Variants in SH3BP4 observed in about 807,000 individuals in gnomAD.
SH3BP4 encodes SH3 domain-binding protein 4.
In SH3BP4, 33 loss-of-function variants were observed where a neutral mutation model predicts 65.5. The ratio of observed to expected loss-of-function variants is 0.50; its 90% confidence interval spans 0.38 to 0.67. The LOEUF (loss-of-function observed/expected upper bound fraction) is 0.67. SH3BP4 is among the 30% of genes least tolerant of loss of function. The pLI is 0.00. For missense variants in SH3BP4, 1,134 were observed against 1,261.4 expected (o/e 0.90, Z 1.53); for synonymous variants, 552 against 545.5 (o/e 1.01, Z -0.17).
At chr2:234,968,322 C>A (rs528657222) in intron 1 of SH3BP4, among the ~76,000 whole-genome samples, 1 of 151,532 alleles carries the variant, frequency 6.6e-6, no homozygotes, top group East Asian at 1.9e-4. Context: ...ACCGGATGGA[C>A]CTTGGGGTGT....
Position 235,035,163 on chromosome 2 carries a change from G to T in SH3BP4, c.118+43G>T, listed in dbSNP as rs1017456594. On this transcript the variant is annotated intron_variant, in intron 3 of 5. Coordinates refer to ENST00000392011, the MANE Select transcript of SH3BP4 (RefSeq NM_014521.3). This position sits in a 1 kb window ranked among gnomAD's most constrained non-coding sequence, Gnocchi z 5.0. ...AGGACTGTGGCTAAGGGAGAACGTT[G>T]GGATTTTCAAGTTGGGATCCAAGAA... 1.4e-6 allele frequency: 2 copies of T among 1,457,022 alleles called. No homozygotes were observed. The highest frequency in any genetic ancestry group is 1.9e-6 in the Non-Finnish European group (2 of 1,039,460). The allele number at this position is 1,457,022 out of a possible 1,614,324, so 90.3% of individuals were successfully genotyped here. A position where few individuals can be genotyped will look rare whatever the true frequency, so the allele number is the denominator to read the frequency against.
chr2:235,027,243 G>A (rs73995743), intron 2 of SH3BP4, among the ~76,000 whole-genome samples: 5,939 of 152,312 alleles, frequency 0.039, 355 homozygotes, highest in African/African-American at 0.13. Flanking sequence ...GCAGATTTCC[G>A]TGATTTTGCC....
At chr2:234,971,276 A>G (rs1164466766) in intron 1 of SH3BP4, among the ~76,000 whole-genome samples, 3 of 152,180 alleles carry the variant, frequency 2.0e-5, no homozygotes, top group Non-Finnish European at 4.4e-5. Context: ...TGATTGGCAT[A>G]TTTCACTTAG....
chr2:234,986,652 G>T (rs1693568909), intron 1 of SH3BP4, among the ~76,000 whole-genome samples: 1 of 151,928 alleles, frequency 6.6e-6, no homozygotes, highest in Non-Finnish European at 1.5e-5. Context: ...CCTGATCTCG[G>T]GTGAGTCTTT....
intron 2 of SH3BP4, among the ~76,000 whole-genome samples, chr2:235,015,966 G>A (rs1164951263): frequency 6.6e-6 from 1 of 152,062 alleles, no homozygotes. Context: ...GGTCCCCTGT[G>A]CTCATCAGCA....
intron 4 of SH3BP4, among the ~76,000 whole-genome samples, chr2:235,044,451 G>A (rs1695778862): frequency 6.6e-6 from 1 of 152,208 alleles, no homozygotes; most frequent in Admixed American, 6.5e-5. Flanking sequence ...TGTTTGTGGT[G>A]GAGAGTCCCT....
rs539275277 is a variant in SH3BP4 at position 235,045,064 on chromosome 2, C to T, written c.2478+1817C>T. ...TGCGTCCCTCCCATCAGCCATCACCCATGTGTGATTCAGAGCACACCTCCT... is the reference window on the plus strand; with the variant it reads ...TGCGTCCCTCCCATCAGCCATCACCTATGTGTGATTCAGAGCACACCTCCT... On this transcript the variant is annotated intron_variant, in intron 4 of 5. Transcript: ENST00000392011. The surrounding 1 kb of genome is among the most constrained non-coding windows in gnomAD (Gnocchi z 4.3). Among the ~76,000 whole-genome samples, 108 of 152,334 alleles carry T rather than the reference C, an allele frequency of 7.1e-4. No homozygotes were observed. The Middle Eastern group carries it at 0.01, about 14-fold the overall frequency.
Position 234,974,422 on chromosome 2 carries a change from C to A in SH3BP4, c.-206-20881C>A, listed in dbSNP as rs1295327277. On this transcript the variant is annotated intron_variant, in intron 1 of 5. Transcript: ENST00000392011. The surrounding 1 kb of genome is among the most constrained non-coding windows in gnomAD (Gnocchi z 4.6). ...TTTGTGAAGGTCATGAGTTCCAGCC[C>A]ATTTCACTGCTCCATAAAATGCTAC... 6.6e-6 allele frequency among the ~76,000 whole-genome samples: 1 copy of A among 152,064 alleles called. No individual in the cohort carries two copies. The highest frequency in any genetic ancestry group is 1.5e-5 in the Non-Finnish European group (1 of 68,008).
rs753446994 is a variant in SH3BP4, at chr2:235,043,284, C to T, written c.2478+37C>T. 18 of 1,502,860 alleles carry T rather than the reference C, an allele frequency of 1.2e-5. No homozygotes were observed. The East Asian group carries it at 4.1e-4, about 34-fold the overall frequency. 93.1% of individuals were successfully genotyped at this position (1,502,860 alleles called of 1,614,324 possible). On this transcript the variant is annotated intron_variant, in intron 4 of 5. Transcript: ENST00000392011. ...GCAGGTGCCTGGGCGTTCAGGGGTG[C>T]TGCTCAGCAAAGCCTTTCCGCCTTC...
intron 2 of SH3BP4, among the ~76,000 whole-genome samples, chr2:235,023,411 G>T (rs1574828751): frequency 6.6e-6 from 1 of 152,210 alleles, no homozygotes; most frequent in Non-Finnish European, 1.5e-5. Flanking sequence ...AACTGGACAT[G>T]GTGGTGGAGA....
Position 235,043,010 on chromosome 2 carries a change from C to G in SH3BP4, c.2241C>G (p.Pro747=). 6.2e-7 allele frequency: 1 copy of G among 1,609,312 alleles called. No individual in the cohort carries two copies. Among genetic ancestry groups the G allele is most frequent in the Non-Finnish European group, 8.5e-7 (1 of 1,176,392 alleles). ...TGCTGCTGGAGCAGATCCTGCGGCC[C>G]TGCAAATTCCTCACGTACATCTATG... ...TSVLLEQILR[P]CKFLTYIYAS... Residue 747 remains proline, a synonymous_variant, in exon 4 of 6, where the codon CCC becomes CCG. Transcript: ENST00000392011.
rs1693186692 is a variant in SH3BP4, at chr2:234,976,995, C to T, written c.-206-18308C>T. ...TGTTTGATGATAGTGCACCGACATCCATTGTGACAAAGGTGCCGTCCTCCT... is the reference window on the plus strand; with the variant it reads ...TGTTTGATGATAGTGCACCGACATCTATTGTGACAAAGGTGCCGTCCTCCT... On this transcript the variant is annotated intron_variant, in intron 1 of 5. Coordinates refer to ENST00000392011, the MANE Select transcript of SH3BP4 (RefSeq NM_014521.3). This position sits in a 1 kb window ranked among gnomAD's most constrained non-coding sequence, Gnocchi z 4.7. Among the ~76,000 whole-genome samples the T allele has an allele frequency of 6.6e-6, 1 of 152,226 alleles. No individual in the cohort carries two copies. The highest frequency in any genetic ancestry group is 1.5e-5 in the Non-Finnish European group (1 of 68,042).
At chr2:234,989,158 GT>G (rs1693674212) in intron 1 of SH3BP4, among the ~76,000 whole-genome samples, 2 of 152,180 alleles carry the variant, frequency 1.3e-5, no homozygotes, top group Admixed American at 1.3e-4. Context: ...AAAACCTGGG[GT>G]TGGGTCCATG....
At chr2:235,011,646 CTTTGTATTCCTGGCA>C (rs1694509521) in intron 2 of SH3BP4, among the ~76,000 whole-genome samples, 1 of 152,176 alleles carries the variant, frequency 6.6e-6, no homozygotes, top group Non-Finnish European at 1.5e-5. Context: ...TCTTGCTTTT[CTTTGTATTCCTGGCA>C]AAGGCTCAGT....
At chr2:234,975,316 G>C (rs986976328) in intron 1 of SH3BP4, among the ~76,000 whole-genome samples, 1 of 152,196 alleles carries the variant, frequency 6.6e-6, no homozygotes, top group African/African-American at 2.4e-5. Context: ...CCTATCACTC[G>C]TGGGGAAGCC....
chr2:234,957,858 A>T (rs1416187778), intron 1 of SH3BP4, among the ~76,000 whole-genome samples: 1 of 152,064 alleles, frequency 6.6e-6, no homozygotes, highest in Non-Finnish European at 1.5e-5. Flanking sequence ...TCTCCCTTGC[A>T]GAGCAGGGAA....
At chr2:234,981,946 C>T (rs983138067) in intron 1 of SH3BP4, among the ~76,000 whole-genome samples, 2 of 152,156 alleles carry the variant, frequency 1.3e-5, no homozygotes, top group Non-Finnish European at 2.9e-5. Context: ...TTCCCGTCCC[C>T]GCCTCCTTCC....
rs114123928 is a variant in SH3BP4 at position 234,976,124 on chromosome 2, G to A, written c.-206-19179G>A. ...GTGTGGTTGTATCTTCTAGGGACAGGGGCCCTGGCTTTCATCTAGTGACCC... is the reference window on the plus strand; with the variant it reads ...GTGTGGTTGTATCTTCTAGGGACAGAGGCCCTGGCTTTCATCTAGTGACCC... On this transcript the variant is annotated intron_variant, in intron 1 of 5. Transcript: ENST00000392011. This position sits in a 1 kb window ranked among gnomAD's most constrained non-coding sequence, Gnocchi z 4.7. Among the ~76,000 whole-genome samples, 1,221 of 152,220 alleles carry A rather than the reference G, an allele frequency of 8.0e-3. 24 individuals carry two copies. Among genetic ancestry groups the A allele is most frequent in the African/African-American group, 0.028 (1,168 of 41,550 alleles).
At chr2:234,968,854 C>A (rs1692905798) in intron 1 of SH3BP4, among the ~76,000 whole-genome samples, 2 of 152,172 alleles carry the variant, frequency 1.3e-5, no homozygotes, top group African/African-American at 4.8e-5. Context: ...CCTTTTATTG[C>A]CTCCCTTTCT....
Sources: allele counts gnomAD v4.1 joint callset (sites outside exome capture counted in the v4.1 genomes callset), GRCh38; gene constraint gnomAD v4.1.1; non-coding constraint Gnocchi (gnomAD v3.1); transcripts MANE v1.5; gene names NCBI Gene and HGNC (gene_info 2026-07-23, HGNC 2026-07-21).